PDSS1: variants seen among roughly 807,000 people sequenced by gnomAD.
PDSS1 encodes the protein all trans-polyprenyl-diphosphate synthase PDSS1.
A neutral mutation model predicts 57.5 loss-of-function variants in PDSS1; 43 were observed. That is an observed-to-expected ratio of 0.75 (90% CI 0.59 to 0.96). PDSS1 has a LOEUF of 0.96. Ranked by LOEUF, PDSS1 falls within the 50% of genes least tolerant of loss-of-function variation. The pLI, the probability that PDSS1 is intolerant of heterozygous loss-of-function variation, is 0.00. For missense variants in PDSS1, 438 were observed against 527.8 expected, an observed-to-expected ratio of 0.83 and a Z score of 1.67; for synonymous variants, 175 against 191.3, an observed-to-expected ratio of 0.91 and a Z score of 0.70.
At position 26,746,514 on chromosome 10, in the gene PDSS1, G is replaced by C. The variant is rs774991102; in HGVS notation, c.*41G>C. ...TTTCTGGCAGCTATCTTACCAGACT[G>C]TGCCTAAAGAATTTTGTGGAATACA... On this transcript the variant is annotated 3_prime_UTR_variant, in exon 12 of 12. Transcript: ENST00000376215. The C allele has an allele frequency of 3.1e-6, 5 of 1,607,930 alleles. No individual in the cohort carries two copies. In the African/African-American group the frequency reaches 6.7e-5, roughly 22 times the overall value.
At chr10:26,709,071 G>A (rs1835335432) in intron 4 of PDSS1, among the ~76,000 whole-genome samples, 1 of 152,040 alleles carries the variant, frequency 6.6e-6, no homozygotes. Context: ...GGGTCTTCTG[G>A]TGTCTGATTC....
chr10:26,720,591 T>TA (rs1406460190), intron 6 of PDSS1, among the ~76,000 whole-genome samples: 1 of 152,222 alleles, frequency 6.6e-6, no homozygotes, highest in Non-Finnish European at 1.5e-5. Flanking sequence ...CCTTTGGTTA[T>TA]AAGGAAAGGG....
intron 1 of PDSS1, chr10:26,701,839 C>G (rs550832883): frequency 8.8e-6 from 4 of 454,372 alleles, no homozygotes; most frequent in African/African-American, 8.0e-5. Context: ...CAGCTTCCAC[C>G]GTGCACCTGG....
chr10:26,730,941 G>T (rs1259403977), intron 8 of PDSS1, among the ~76,000 whole-genome samples: 2 of 152,094 alleles, frequency 1.3e-5, no homozygotes, highest in African/African-American at 4.8e-5. Flanking sequence ...ACTGTATCAG[G>T]GCTGGGCTTG....
chr10:26,713,252 A>G (rs1835454042), intron 5 of PDSS1, among the ~76,000 whole-genome samples: 1 of 150,300 alleles, frequency 6.7e-6, no homozygotes, highest in Admixed American at 6.7e-5. Context: ...AGATCACGCC[A>G]TTGCATTCCA....
intron 11 of PDSS1, among the ~76,000 whole-genome samples, chr10:26,744,602 T>C (rs1836744155): frequency 6.6e-6 from 1 of 151,866 alleles, no homozygotes; most frequent in Admixed American, 6.6e-5. Context: ...TGTTGGCCAT[T>C]ATGGTCTCGA....
chr10:26,734,391 T>TC (rs1195272232), intron 8 of PDSS1, among the ~76,000 whole-genome samples: 3 of 152,154 alleles, frequency 2.0e-5, no homozygotes, highest in Non-Finnish European at 2.9e-5. Flanking sequence ...AGACCGTCTC[T>TC]CCCCTCCCCC....
At chr10:26,734,637 T>C (rs888242491) in intron 8 of PDSS1, 16 of 455,834 alleles carry the variant, frequency 3.5e-5, no homozygotes, top group Non-Finnish European at 6.6e-5. Flanking sequence ...TTCCTTCCGA[T>C]AATGAAAGAG....
At chr10:26,743,293 A>T (rs1164449844) in intron 11 of PDSS1, among the ~76,000 whole-genome samples, 2 of 152,198 alleles carry the variant, frequency 1.3e-5, no homozygotes, top group Admixed American at 6.5e-5. Context: ...TGTCATTTGC[A>T]GCCAACAGAT....
At chr10:26,703,727 A>G (rs191470727) in intron 2 of PDSS1, among the ~76,000 whole-genome samples, 65 of 152,220 alleles carry the variant, frequency 4.3e-4, no homozygotes, top group African/African-American at 1.5e-3. Flanking sequence ...GCTGTGGGGG[A>G]AAGAATGAAA....
chr10:26,723,262 A>G (rs1341896131), intron 6 of PDSS1, among the ~76,000 whole-genome samples: 1 of 152,212 alleles, frequency 6.6e-6, no homozygotes, highest in Non-Finnish European at 1.5e-5. Context: ...CCACTCAGTG[A>G]AGAAGGGGGC....
At chr10:26,736,463 C>G (rs1175193415) in intron 10 of PDSS1, among the ~76,000 whole-genome samples, 2 of 152,196 alleles carry the variant, frequency 1.3e-5, no homozygotes, top group African/African-American at 4.8e-5. Flanking sequence ...GAGATTTTGC[C>G]TCTATTCTGT....
chr10:26,730,447 AG>A (rs1368499943), intron 8 of PDSS1, among the ~76,000 whole-genome samples: 5 of 151,282 alleles, frequency 3.3e-5, no homozygotes, highest in Non-Finnish European at 7.4e-5. Flanking sequence ...TCTGTCTACA[AG>A]GAATACAAAA....
Position 26,737,753 on chromosome 10 carries a change from G to C in PDSS1, c.1026+2174G>C, listed in dbSNP as rs551780633. On this transcript the variant is annotated intron_variant, in intron 10 of 11. Transcript: ENST00000376215. ...AAAAAAAAAAAAAAAAAAAAAAAAGGCTGGTTAAAAAAAGCAAGCAAAAGG... is the reference window on the plus strand; with the variant it reads ...AAAAAAAAAAAAAAAAAAAAAAAAGCCTGGTTAAAAAAAGCAAGCAAAAGG... Among the ~76,000 whole-genome samples the C allele has an allele frequency of 4.0e-3, 554 of 139,080 alleles. 7 individuals are homozygous for C. The highest frequency in any genetic ancestry group is 0.013 in the African/African-American group (482 of 36,090). The allele number at this position is 139,080 out of a possible 152,430, so 91.2% of individuals were successfully genotyped here. A position where few individuals can be genotyped will look rare whatever the true frequency, so the allele number is the denominator to read the frequency against.
At chr10:26,715,872 TTTC>T (rs1313336743) in intron 5 of PDSS1, 1 of 152,170 alleles carries the variant, frequency 6.6e-6, no homozygotes, top group East Asian at 1.9e-4. Context: ...GCTCTTGTAA[TTTC>T]TTCTTCAGTG....
rs1276521154 is a variant in PDSS1, at chr10:26,710,358, G to A, written c.467+590G>A. The stretch of plus-strand genomic sequence containing the variant: ...CCTCCTGGGTTCACACCATTCTCCT[G>A]CCTCAGCCTCCCAAGTAGCTGGGAC... On this transcript the variant is annotated intron_variant, in intron 5 of 11. Coordinates refer to ENST00000376215, the MANE Select transcript of PDSS1 (RefSeq NM_014317.5). Among the ~76,000 whole-genome samples, 5 of 88,360 alleles carry A rather than the reference G, an allele frequency of 5.7e-5. 2 individuals carry two copies. The highest frequency in any genetic ancestry group is 1.3e-4 in the Non-Finnish European group (5 of 38,812). The allele number at this position is 88,360 out of a possible 152,430, so 58.0% of individuals were successfully genotyped here.
chr10:26,723,148 C>T (rs1396765061), intron 6 of PDSS1, among the ~76,000 whole-genome samples: 1 of 152,098 alleles, frequency 6.6e-6, no homozygotes, highest in Non-Finnish European at 1.5e-5. Context: ...ATGGTCGCAG[C>T]ATGCATGGGT....
intron 5 of PDSS1, among the ~76,000 whole-genome samples, chr10:26,716,312 A>G (rs1212237437): frequency 6.6e-6 from 1 of 152,218 alleles, no homozygotes; most frequent in Non-Finnish European, 1.5e-5. Flanking sequence ...ATTTTGTAAA[A>G]CCACATGTAA....
intron 10 of PDSS1, among the ~76,000 whole-genome samples, chr10:26,739,653 C>T (rs1039319077): frequency 6.6e-6 from 1 of 152,164 alleles, no homozygotes; most frequent in Admixed American, 6.5e-5. Flanking sequence ...GAGAGAATCA[C>T]ATCAGTGTCA....
Sources: allele counts gnomAD v4.1 joint callset (sites outside exome capture counted in the v4.1 genomes callset), GRCh38; gene constraint gnomAD v4.1.1; transcripts MANE v1.5; gene names NCBI Gene and HGNC (gene_info 2026-07-23, HGNC 2026-07-21).